The following LYPD6 variants were observed in gnomAD, a reference collection of about 807,000 sequenced individuals.
LYPD6 encodes the protein ly6/PLAUR domain-containing protein 6.
Under a neutral mutation model 22.7 loss-of-function variants are expected in LYPD6, and 15 were observed. That is an observed-to-expected ratio of 0.66 (90% CI 0.44 to 1.02). The LOEUF is 1.02. Among genes scored for constraint, LYPD6 ranks in the 50% least tolerant of loss-of-function variants. The pLI is 0.00. For missense variants in LYPD6, 189 were observed against 208.4 expected (o/e 0.91, Z 0.57); for synonymous variants, 72 against 77.5 (o/e 0.93, Z 0.37).
intron 1 of LYPD6, among the ~76,000 whole-genome samples, chr2:149,424,151 T>C (rs1683142238): frequency 6.6e-6 from 1 of 151,930 alleles, no homozygotes; most frequent in South Asian, 2.1e-4. Context: ...CACACACACA[T>C]CCCTCTGTTA....
In LYPD6 at chr2:149,404,965, G is replaced by A. The variant is rs534367450; in HGVS notation, c.-71-32673G>A. On this transcript the variant is annotated intron_variant, in intron 1 of 4. Coordinates refer to ENST00000334166, the MANE Select transcript of LYPD6 (RefSeq NM_194317.5). Reference sequence around the variant, plus strand: ...TGAAGCGTTGTTGAATTTTGTCAAAGGCCTTTTCTGCATCTATTGAGATAA... The same window carrying A: ...TGAAGCGTTGTTGAATTTTGTCAAAAGCCTTTTCTGCATCTATTGAGATAA... 2.0e-5 allele frequency among the ~76,000 whole-genome samples: 3 copies of A among 152,234 alleles called. No homozygotes were observed. In the East Asian group the frequency reaches 5.8e-4, roughly 29 times the overall value.
chr2:149,416,059 C>T (rs112272348), intron 1 of LYPD6, among the ~76,000 whole-genome samples: 4,276 of 152,254 alleles, frequency 0.028, 98 homozygotes, highest in Non-Finnish European at 0.047. Flanking sequence ...TTACAGACCT[C>T]TTTTTCTACT....
chr2:149,390,356 T>A (rs1682281190), intron 1 of LYPD6, among the ~76,000 whole-genome samples: 1 of 152,218 alleles, frequency 6.6e-6, no homozygotes, highest in South Asian at 2.1e-4. Flanking sequence ...GAGACCCTCC[T>A]ACATGCTGTA....
chr2:149,380,316 A>G (rs1682031338), intron 1 of LYPD6, among the ~76,000 whole-genome samples: 1 of 152,252 alleles, frequency 6.6e-6, no homozygotes, highest in Non-Finnish European at 1.5e-5. Flanking sequence ...GATAAGACAT[A>G]ACTTATCTTT....
At chr2:149,344,856 G>T (rs1266631041) in intron 1 of LYPD6, among the ~76,000 whole-genome samples, 1 of 152,122 alleles carries the variant, frequency 6.6e-6, no homozygotes, top group African/African-American at 2.4e-5. Flanking sequence ...TAAAGTGAGG[G>T]AATACAAGGT....
intron 3 of LYPD6, among the ~76,000 whole-genome samples, chr2:149,465,768 T>A (rs1681186289): frequency 6.6e-6 from 1 of 152,234 alleles, no homozygotes; most frequent in Non-Finnish European, 1.5e-5. Context: ...TGCACATGGG[T>A]GTGAATTTCA....
chr2:149,361,865 A>T (rs112796101), intron 1 of LYPD6, among the ~76,000 whole-genome samples: 61 of 152,098 alleles, frequency 4.0e-4, no homozygotes, highest in African/African-American at 1.4e-3. Flanking sequence ...TTATCTTATT[A>T]TCATGGTGGA....
chr2:149,421,026 G>GT (rs1169200508), intron 1 of LYPD6, among the ~76,000 whole-genome samples: 2 of 152,146 alleles, frequency 1.3e-5, no homozygotes, highest in East Asian at 3.8e-4. Context: ...ATCATGAGGA[G>GT]TTTTTCAGGA....
At chr2:149,457,283 G>A (rs1196643) in intron 3 of LYPD6, among the ~76,000 whole-genome samples, 89,742 of 152,022 alleles carry the variant, frequency 0.59, 28,034 homozygotes, top group East Asian at 0.85. Context: ...TGTTATAGAC[G>A]TCGTAGAACT....
upstream of LYPD6, chr2:149,330,522 G>A (rs1275203853): frequency 3.3e-5 from 5 of 149,512 alleles, no homozygotes; most frequent in African/African-American, 1.2e-4. Context: ...GGCGGCCAGT[G>A]CCCGGCGCGA....
intron 1 of LYPD6, among the ~76,000 whole-genome samples, chr2:149,343,544 C>T (rs766475580): frequency 6.6e-6 from 1 of 152,122 alleles, no homozygotes; most frequent in African/African-American, 2.4e-5. Flanking sequence ...AAATCATGCT[C>T]GTTAATGAAT....
chr2:149,422,846 T>C (rs1317159022), intron 1 of LYPD6, among the ~76,000 whole-genome samples: 2 of 152,164 alleles, frequency 1.3e-5, no homozygotes, highest in Non-Finnish European at 2.9e-5. Context: ...AGTGAGATCA[T>C]AGAATACAAT....
chr2:149,414,320 T>A (rs918602662), intron 1 of LYPD6, among the ~76,000 whole-genome samples: 1 of 152,230 alleles, frequency 6.6e-6, no homozygotes, highest in African/African-American at 2.4e-5. Flanking sequence ...TTAATATTTC[T>A]TAAATTCTCA....
intron 1 of LYPD6, among the ~76,000 whole-genome samples, chr2:149,355,997 A>T (rs929824989): frequency 6.6e-6 from 1 of 152,156 alleles, no homozygotes; most frequent in African/African-American, 2.4e-5. Context: ...TTAAGTGTAA[A>T]ATAAATTGAA....
At chr2:149,447,051 G>A (rs76721866) in intron 2 of LYPD6, among the ~76,000 whole-genome samples, 153 of 152,318 alleles carry the variant, frequency 1.0e-3, no homozygotes, top group African/African-American at 3.4e-3. Flanking sequence ...CAGATGAAGT[G>A]TTTGAGTGTT....
chr2:149,444,739 A>T (rs1683647423), intron 2 of LYPD6, among the ~76,000 whole-genome samples: 1 of 152,016 alleles, frequency 6.6e-6, no homozygotes. Context: ...TCACCTTTTC[A>T]GGCTCCGCTT....
chr2:149,344,450 G>A (rs1373296590), intron 1 of LYPD6, among the ~76,000 whole-genome samples: 2 of 152,136 alleles, frequency 1.3e-5, no homozygotes, highest in African/African-American at 2.4e-5. Flanking sequence ...TACTAATAGA[G>A]GGGATAATAT....
chr2:149,416,870 T>C (rs1379368747), intron 1 of LYPD6, among the ~76,000 whole-genome samples: 1 of 152,226 alleles, frequency 6.6e-6, no homozygotes, highest in African/African-American at 2.4e-5. Context: ...TAGTGTTCTG[T>C]GAGGCCTGCT....
intron 1 of LYPD6, among the ~76,000 whole-genome samples, chr2:149,409,228 T>C (rs1054880677): frequency 2.0e-5 from 3 of 152,210 alleles, no homozygotes; most frequent in African/African-American, 4.8e-5. Context: ...TGGTACTGTG[T>C]AGTGTCTGCA....
Sources: gnomAD v4.1 joint callset for allele counts (sites outside exome capture counted in the v4.1 genomes callset) on GRCh38, gnomAD v4.1.1 for gene constraint, MANE v1.5 for transcripts, NCBI Gene and HGNC (gene_info 2026-07-23, HGNC 2026-07-21) for gene names.